Variants in PTPRD observed in about 807,000 individuals in gnomAD.
PTPRD encodes protein tyrosine phosphatase receptor type D, also known as receptor-type tyrosine-protein phosphatase delta.
A neutral mutation model predicts 214.5 loss-of-function variants in PTPRD; 34 were observed. The ratio of observed to expected loss-of-function variants is 0.16; its 90% CI spans 0.12 to 0.21. The LOEUF is 0.21. Ranked by LOEUF, PTPRD falls within the 10% of genes least tolerant of loss-of-function variation. The probability of loss-of-function intolerance (pLI) is 1.00; values close to 1 mark genes in which losing one functional copy is unlikely to be tolerated. For synonymous variants in PTPRD, 1,128 were observed against 845.7 expected, an observed-to-expected ratio of 1.33 and a Z score of -5.79; for missense variants, 2,545 against 2,398.7, an observed-to-expected ratio of 1.06 and a Z score of -1.27.
At chr9:10,460,906 A>G (rs2098953524) in intron 2 of PTPRD, among the ~76,000 whole-genome samples, 1 of 152,178 alleles carries the variant, frequency 6.6e-6, no homozygotes, top group Non-Finnish European at 1.5e-5. Context: ...GCATCAAATA[A>G]AAAGTTTCTT....
At chr9:10,449,358 T>G (rs980637471) in intron 2 of PTPRD, among the ~76,000 whole-genome samples, 39 of 152,042 alleles carry the variant, frequency 2.6e-4, no homozygotes, top group South Asian at 6.2e-4. Context: ...TCGCCCAGGC[T>G]GGAGTGCAGT....
chr9:8,742,221 T>C lies in PTPRD; in HGVS notation c.-103-8275A>G, dbSNP rs529918541. On this transcript the variant is annotated intron_variant, in intron 11 of 45. Transcript: ENST00000381196. Reference sequence around the variant, plus strand: ...CTTATCCTAATAGTAATGTATGATTTGTTGTTTTATTTTAAATTGATATAT... The same window carrying C: ...CTTATCCTAATAGTAATGTATGATTCGTTGTTTTATTTTAAATTGATATAT... Among the ~76,000 whole-genome samples, 5 of 152,294 alleles carry C rather than the reference T, an allele frequency of 3.3e-5. No homozygotes were observed. In the East Asian group the frequency reaches 9.6e-4, roughly 29 times the overall value.
At chr9:9,800,030 G>T (rs1219375603) in intron 5 of PTPRD, among the ~76,000 whole-genome samples, 2 of 152,222 alleles carry the variant, frequency 1.3e-5, no homozygotes, top group East Asian at 3.9e-4. Flanking sequence ...TGACATTCTT[G>T]TCAAAAGAAA....
intron 2 of PTPRD, among the ~76,000 whole-genome samples, chr9:10,437,787 C>A (rs868262291): frequency 1.7e-4 from 26 of 151,026 alleles, no homozygotes; most frequent in East Asian, 3.9e-4. Context: ...ATATATATAT[C>A]TGATAAAATG....
intron 3 of PTPRD, among the ~76,000 whole-genome samples, chr9:10,160,342 T>C (rs763183295): frequency 1.8e-4 from 27 of 151,964 alleles, no homozygotes; most frequent in South Asian, 4.1e-4. Flanking sequence ...AGTAATGAGA[T>C]TGAAGTCATA....
At chr9:8,796,261 T>C (rs2096418523) in intron 11 of PTPRD, among the ~76,000 whole-genome samples, 1 of 152,206 alleles carries the variant, frequency 6.6e-6, no homozygotes, top group African/African-American at 2.4e-5. Context: ...TTAATTATAC[T>C]GGAATCTAAT....
chr9:10,444,707 A>C (rs1007856370), intron 2 of PTPRD, among the ~76,000 whole-genome samples: 1 of 122,080 alleles, frequency 8.2e-6, no homozygotes, highest in African/African-American at 2.6e-5. Flanking sequence ...TAACAAAGAC[A>C]AAAAAAAAGA....
At chr9:10,047,312 C>CTGTGTGTGTGTGTG (rs56257525) in intron 3 of PTPRD, among the ~76,000 whole-genome samples, 31 of 138,800 alleles carry the variant, frequency 2.2e-4, no homozygotes, top group African/African-American at 7.3e-4. Flanking sequence ...AATCAACTAA[C>CTGTGTGTGTGTGTG]TGTGTGTGTG....
intron 11 of PTPRD, among the ~76,000 whole-genome samples, chr9:8,890,439 T>G (rs1243394568): frequency 6.6e-6 from 1 of 152,206 alleles, no homozygotes; most frequent in African/African-American, 2.4e-5. Flanking sequence ...AAATTCATAG[T>G]GCTTCCCCTT....
intron 10 of PTPRD, among the ~76,000 whole-genome samples, chr9:9,158,496 A>G (rs2099883302): frequency 1.3e-5 from 2 of 152,060 alleles, no homozygotes; most frequent in Non-Finnish European, 2.9e-5. Context: ...GCTTCTCAGG[A>G]GGCTGAGGCG....
intron 10 of PTPRD, chr9:9,091,119 T>A (rs1467704510): frequency 1.4e-6 from 2 of 1,448,546 alleles, no homozygotes; most frequent in Non-Finnish European, 1.9e-6. Flanking sequence ...TACATTACTG[T>A]GTGAGTTGTG....
chr9:10,078,855 C>T lies in PTPRD; in HGVS notation c.-544-45065G>A, dbSNP rs1400259166. Among the ~76,000 whole-genome samples the T allele has an allele frequency of 2.6e-5, 4 of 152,110 alleles. No homozygotes were observed. In the South Asian group the frequency reaches 6.2e-4, roughly 24 times the overall value. ...ATTGTTTTAGTGTTTTCCCCCTACA[C>T]ATTTCCTCCTAACAACATTAAATAT... On this transcript the variant is annotated intron_variant, in intron 3 of 45. Coordinates refer to ENST00000381196, the MANE Select transcript of PTPRD (RefSeq NM_002839.4).
intron 11 of PTPRD, among the ~76,000 whole-genome samples, chr9:8,855,534 T>C (rs1377349102): frequency 2.6e-5 from 4 of 152,204 alleles, no homozygotes; most frequent in African/African-American, 9.7e-5. Context: ...TACTCAACTA[T>C]ATTAAAATAT....
At chr9:9,962,895 C>CT (rs768659234) in intron 4 of PTPRD, among the ~76,000 whole-genome samples, 49 of 152,046 alleles carry the variant, frequency 3.2e-4, no homozygotes, top group South Asian at 6.2e-4. Context: ...AATAAAACAA[C>CT]TGAATGAGAA....
chr9:9,292,533 C>A lies in PTPRD; in HGVS notation c.-203+104916G>T, dbSNP rs1757896755. Among the ~76,000 whole-genome samples, 5 of 151,458 alleles carry A rather than the reference C, an allele frequency of 3.3e-5. No individual in the cohort carries two copies. In the South Asian group the frequency reaches 8.3e-4, roughly 25 times the overall value. The stretch of plus-strand genomic sequence containing the variant: ...CAAAGAGTTCTCATATACTCCACAT[C>A]CATTTTCCCTATTAACTAACATCTT... On this transcript the variant is annotated intron_variant, in intron 9 of 45. Transcript: ENST00000381196.
At chr9:9,893,444 C>T (rs2074032475) in intron 5 of PTPRD, among the ~76,000 whole-genome samples, 2 of 151,884 alleles carry the variant, frequency 1.3e-5, no homozygotes. Flanking sequence ...ATTTACCAAG[C>T]AAATAGAAAA....
chr9:9,572,559 AT>A (rs1350086045), intron 8 of PTPRD, among the ~76,000 whole-genome samples: 1 of 115,720 alleles, frequency 8.6e-6, no homozygotes, highest in Non-Finnish European at 1.9e-5. Context: ...GCATATATAT[AT>A]GTATATATAT....
Position 9,649,633 on chromosome 9 carries a change from C to T in PTPRD, c.-286-74852G>A, listed in dbSNP as rs182702022. ...AGCACTAAAATATTTCTCACATCAA[C>T]GATCATATCTGAAATTCTCATAACT... On this transcript the variant is annotated intron_variant, in intron 7 of 45. Coordinates refer to ENST00000381196, the MANE Select transcript of PTPRD (RefSeq NM_002839.4). Among the ~76,000 whole-genome samples the T allele has an allele frequency of 3.2e-3, 482 of 152,288 alleles. 4 individuals carry two copies. Among genetic ancestry groups the T allele is most frequent in the African/African-American group, 0.011 (449 of 41,560 alleles).
intron 7 of PTPRD, among the ~76,000 whole-genome samples, chr9:9,721,447 A>T (rs1461077188): frequency 6.6e-6 from 1 of 152,120 alleles, no homozygotes; most frequent in Admixed American, 6.6e-5. Flanking sequence ...ATAAAGCCTG[A>T]AGTATGTGCC....
Sources: allele counts gnomAD v4.1 joint callset (sites outside exome capture counted in the v4.1 genomes callset), GRCh38; gene constraint gnomAD v4.1.1; transcripts MANE v1.5; gene names NCBI Gene and HGNC (gene_info 2026-07-23, HGNC 2026-07-21).